Variants in ARSG observed in about 807,000 individuals in gnomAD.
ARSG encodes ASG.
Under a neutral mutation model 50.5 loss-of-function variants are expected in ARSG, and 37 were observed. The ratio of observed to expected loss-of-function variants is 0.73; its 90% CI spans 0.56 to 0.96. ARSG has a LOEUF of 0.96. Ranked by LOEUF, ARSG falls within the 50% of genes least tolerant of loss-of-function variation. ARSG has a pLI of 0.00. For synonymous variants in ARSG, 225 were observed against 254.6 expected (o/e 0.88, Z 1.11); for missense variants, 629 against 675.3 (o/e 0.93, Z 0.76).
chr17:68,266,925 A>T (rs1481699350), intron 1 of ARSG: 1 of 152,218 alleles, frequency 6.6e-6, no homozygotes, highest in Non-Finnish European at 1.5e-5. Context: ...ACGTTAAAAA[A>T]TTATTTATTT....
chr17:68,428,374 G>A, the ARSG span: 13 of 171,364 alleles, frequency 7.6e-5, no homozygotes, highest in Non-Finnish European at 1.5e-4. Context: ...GACTACAGGT[G>A]TGTGCCACCA....
chr17:68,370,570 C>A, intron 8 of ARSG, 46 bp downstream of exon 8: 1 of 1,573,778 alleles, frequency 6.4e-7, no homozygotes, highest in South Asian at 1.1e-5. Flanking sequence ...CAATGCTGAG[C>A]CCAGGCTGGG....
the ARSG span, chr17:68,435,829 C>T: frequency 1.1e-6 from 1 of 909,760 alleles, no homozygotes; most frequent in Non-Finnish European, 1.7e-6. Context: ...CCTGTCTCTT[C>T]CTCTGTCCCC....
chr17:68,312,499 G>T (rs150077232), intron 2 of ARSG, among the ~76,000 whole-genome samples: 3 of 152,112 alleles, frequency 2.0e-5, no homozygotes, highest in Non-Finnish European at 4.4e-5. Context: ...TGAGATTTGC[G>T]AGGCCTACAC....
chr17:68,338,272 C>T (rs1017941324), intron 2 of ARSG, among the ~76,000 whole-genome samples: 3 of 152,154 alleles, frequency 2.0e-5, no homozygotes, highest in Non-Finnish European at 2.9e-5. Flanking sequence ...GGTTAAGCCT[C>T]AAGGTCTCTT....
chr17:68,437,599 G>A, the ARSG span, among the ~76,000 whole-genome samples: 1 of 151,864 alleles, frequency 6.6e-6, no homozygotes, highest in Non-Finnish European at 1.5e-5. Flanking sequence ...CAAATGCCCT[G>A]CCTTGATAAG....
At chr17:68,424,516 TTG>T (rs1447802278), downstream of ARSG, 1 of 534,266 alleles carries the variant, frequency 1.9e-6, no homozygotes, top group East Asian at 5.4e-5. Flanking sequence ...CTAATGGACA[TTG>T]TTTCAGTGCC....
chr17:68,266,670 G>T (rs2075173204), intron 1 of ARSG, among the ~76,000 whole-genome samples: 1 of 151,662 alleles, frequency 6.6e-6, no homozygotes, highest in Admixed American at 6.6e-5. Context: ...AATTAGCCAG[G>T]CATGGTGGCG....
Position 68,378,553 on chromosome 17 carries a change from C to T in ARSG, c.983-6511C>T, listed in dbSNP as rs2080268264. On this transcript the variant is annotated intron_variant, in intron 8 of 11. Transcript: ENST00000621439. The surrounding 1 kb of genome is among the most constrained non-coding windows in gnomAD (Gnocchi z 4.4). The stretch of plus-strand genomic sequence containing the variant: ...GCGGGGGCAGAGCAAAGCAGCCCTG[C>T]CTTCTCCCGAAGAAGAAGGGCACGA... Among the ~76,000 whole-genome samples, 1 of 152,028 alleles carries T rather than the reference C, an allele frequency of 6.6e-6. No homozygotes were observed. Among genetic ancestry groups the T allele is most frequent in the Non-Finnish European group, 1.5e-5 (1 of 67,976 alleles).
At chr17:68,322,092 A>C (rs1302269936) in intron 2 of ARSG, among the ~76,000 whole-genome samples, 2 of 152,210 alleles carry the variant, frequency 1.3e-5, no homozygotes, top group Non-Finnish European at 2.9e-5. Flanking sequence ...ACTTTAACAC[A>C]CTGTGGGGAA....
intron 5 of ARSG, among the ~76,000 whole-genome samples, chr17:68,352,191 C>CAG (rs1216424459): frequency 1.6e-5 from 2 of 122,660 alleles, no homozygotes; most frequent in African/African-American, 6.6e-5. Context: ...GAGACAGAGA[C>CAG]AGAGAGAGAG....
At chr17:68,432,423 GAGA>G in the ARSG span, among the ~76,000 whole-genome samples, 8 of 152,218 alleles carry the variant, frequency 5.3e-5, no homozygotes, top group Admixed American at 2.0e-4. Flanking sequence ...GTGTCATGCT[GAGA>G]AGAAGACCCA....
chr17:68,426,242 T>TA, downstream of ARSG: 3 of 669,002 alleles, frequency 4.5e-6, no homozygotes, highest in Non-Finnish European at 6.6e-6. Context: ...ACCTGGCGGG[T>TA]GGGGAGCGGG....
At chr17:68,380,921 A>G (rs2080401548) in intron 8 of ARSG, among the ~76,000 whole-genome samples, 1 of 152,168 alleles carries the variant, frequency 6.6e-6, no homozygotes, top group Admixed American at 6.6e-5. Flanking sequence ...CCCCAAAGGC[A>G]TCATCCTAAT....
chr17:68,330,855 C>T (rs1349617457), intron 2 of ARSG, among the ~76,000 whole-genome samples: 2 of 152,098 alleles, frequency 1.3e-5, no homozygotes, highest in Admixed American at 1.3e-4. Context: ...CACACTTAGA[C>T]CCTGTGCTTG....
chr17:68,444,165 A>C, the ARSG span, among the ~76,000 whole-genome samples: 4 of 152,218 alleles, frequency 2.6e-5, no homozygotes, highest in Non-Finnish European at 5.9e-5. Context: ...CACAAAAAAC[A>C]ATTAGGGGTA....
At chr17:68,364,591 C>G (rs1161888928) in intron 6 of ARSG, among the ~76,000 whole-genome samples, 1 of 152,166 alleles carries the variant, frequency 6.6e-6, no homozygotes, top group Non-Finnish European at 1.5e-5. Context: ...AACTCCTGAC[C>G]TCAGGTGATC....
intron 6 of ARSG, among the ~76,000 whole-genome samples, chr17:68,364,375 T>C (rs2146628293): frequency 6.6e-6 from 1 of 152,236 alleles, no homozygotes; most frequent in Non-Finnish European, 1.5e-5. Context: ...TGTTGTTGTT[T>C]TGTTTTTTGT....
At chr17:68,325,604 G>A (rs921893999) in intron 2 of ARSG, among the ~76,000 whole-genome samples, 7 of 152,090 alleles carry the variant, frequency 4.6e-5, no homozygotes, top group Non-Finnish European at 8.8e-5. Context: ...TGTAAGTGAC[G>A]GAAACCCAAC....
Sources: gnomAD v4.1 joint callset for allele counts (sites outside exome capture counted in the v4.1 genomes callset) on GRCh38, gnomAD v4.1.1 for gene constraint, Gnocchi (gnomAD v3.1) non-coding constraint, MANE v1.5 for transcripts, NCBI Gene and HGNC (gene_info 2026-07-23, HGNC 2026-07-21) for gene names.